RALYL: variants seen among roughly 807,000 people sequenced by gnomAD.
RALYL encodes the protein RNA-binding Raly-like protein.
In RALYL, 29 loss-of-function variants were observed where a neutral mutation model predicts 35.1. The observed-to-expected ratio is 0.83, with a 90% CI of 0.61 to 1.13. The LOEUF (loss-of-function observed/expected upper bound fraction) is 1.13, where lower values mean the gene tolerates loss of function less well. Among genes scored for constraint, RALYL ranks in the 50% most tolerant of loss-of-function variants. The pLI is 0.00. For missense variants in RALYL, 359 were observed against 360.4 expected (o/e 1.00, Z 0.03); for synonymous variants, 120 against 127.6 (o/e 0.94, Z 0.40).
rs991666836 is a variant in RALYL at position 84,684,509 on chromosome 8, T to C, written c.257-90070T>C. 7.2e-5 allele frequency among the ~76,000 whole-genome samples: 11 copies of C among 152,156 alleles called. No individual in the cohort carries two copies. The East Asian group carries it at 1.2e-3, about 16-fold the overall frequency. On this transcript the variant is annotated intron_variant, in intron 2 of 8. Coordinates refer to ENST00000521268, the MANE Select transcript of RALYL (RefSeq NM_173848.7). ...GCTCCATATTAAAGAAATTAGAAGA[T>C]TGCATTTGAAGATGAAGAGAAATGA...
intron 1 of RALYL, among the ~76,000 whole-genome samples, chr8:84,208,909 C>G (rs1818726003): frequency 6.6e-6 from 1 of 151,582 alleles, no homozygotes; most frequent in African/African-American, 2.4e-5. Flanking sequence ...GTCTAGGAAG[C>G]CAGGGTAAAA....
At chr8:84,610,854 G>A (rs889397023) in intron 2 of RALYL, among the ~76,000 whole-genome samples, 10 of 152,032 alleles carry the variant, frequency 6.6e-5, no homozygotes, top group Admixed American at 2.0e-4. Flanking sequence ...GCACTTCGAC[G>A]TCTCTCCGTC....
chr8:84,576,991 C>A (rs114893363), intron 2 of RALYL, among the ~76,000 whole-genome samples: 61 of 152,342 alleles, frequency 4.0e-4, no homozygotes, highest in African/African-American at 1.3e-3. Context: ...ATTCCACCAC[C>A]TTGACTGTCT....
intron 1 of RALYL, among the ~76,000 whole-genome samples, chr8:84,299,547 A>T (rs148090700): frequency 3.3e-5 from 5 of 152,148 alleles, no homozygotes; most frequent in South Asian, 2.1e-4. Context: ...GAATGGTACC[A>T]GTTCTTCTGT....
At position 84,704,480 on chromosome 8, in the gene RALYL, C is replaced by CACACA. The variant is rs145150857; in HGVS notation, c.257-70096_257-70095insCAACA. On this transcript the variant is annotated intron_variant, in intron 2 of 8. Coordinates refer to ENST00000521268, the MANE Select transcript of RALYL (RefSeq NM_173848.7). ...ACACACACACACACACACACACACACACAACAACTCATTTATTCCACAAAT... is the reference window on the plus strand; with the variant it reads ...ACACACACACACACACACACACACACACACAACAACAACTCATTTATTCCACAAAT... 8.4e-3 allele frequency among the ~76,000 whole-genome samples: 1,167 copies of CACACA among 139,568 alleles called. 10 individuals are homozygous for CACACA. Among genetic ancestry groups the CACACA allele is most frequent in the East Asian group, 0.027 (137 of 5,100 alleles). The allele number at this position is 139,568 out of a possible 152,430, so 91.6% of individuals were successfully genotyped here. A position where few individuals can be genotyped will look rare whatever the true frequency, so the allele number is the denominator to read the frequency against.
intron 1 of RALYL, among the ~76,000 whole-genome samples, chr8:84,317,681 C>A (rs960281290): frequency 6.6e-6 from 1 of 152,094 alleles, no homozygotes. Flanking sequence ...CTTTTGCTAA[C>A]CAGGATGGAA....
chr8:84,462,606 T>TC (rs1361839767), intron 1 of RALYL, among the ~76,000 whole-genome samples: 8 of 151,470 alleles, frequency 5.3e-5, no homozygotes, highest in Admixed American at 1.3e-4. Context: ...GATTCATTTT[T>TC]TTTTTTTTTT....
intron 1 of RALYL, among the ~76,000 whole-genome samples, chr8:84,197,933 A>G (rs181880203): frequency 3.7e-4 from 57 of 152,276 alleles, no homozygotes; most frequent in African/African-American, 1.3e-3. Context: ...TATCTTAATG[A>G]TGATTTCCAG....
At chr8:84,750,179 C>T (rs1023067475) in intron 2 of RALYL, among the ~76,000 whole-genome samples, 9 of 152,112 alleles carry the variant, frequency 5.9e-5, no homozygotes, top group African/African-American at 2.2e-4. Context: ...ACAGTAAAAG[C>T]CTTGTTACTT....
At chr8:84,749,900 A>T (rs1340040997) in intron 2 of RALYL, among the ~76,000 whole-genome samples, 2 of 152,176 alleles carry the variant, frequency 1.3e-5, no homozygotes, top group African/African-American at 4.8e-5. Flanking sequence ...TCATGGCCCC[A>T]CTTGAACCAC....
At chr8:84,910,834 G>A (rs1296975544) in intron 8 of RALYL, among the ~76,000 whole-genome samples, 1 of 151,604 alleles carries the variant, frequency 6.6e-6, no homozygotes, top group East Asian at 1.9e-4. Context: ...ACCTGAAATT[G>A]TATATTTATA....
At chr8:84,310,017 G>T (rs1842468393) in intron 1 of RALYL, among the ~76,000 whole-genome samples, 1 of 151,604 alleles carries the variant, frequency 6.6e-6, no homozygotes, top group African/African-American at 2.4e-5. Flanking sequence ...GTGAGCCACA[G>T]CACCTAGCTG....
At chr8:84,436,450 A>T (rs1246092952) in intron 1 of RALYL, among the ~76,000 whole-genome samples, 1 of 151,794 alleles carries the variant, frequency 6.6e-6, no homozygotes, top group Non-Finnish European at 1.5e-5. Context: ...TATATTGGGA[A>T]CTTCTCACAT....
chr8:84,336,729 G>A (rs1376761175), intron 1 of RALYL, among the ~76,000 whole-genome samples: 2 of 152,002 alleles, frequency 1.3e-5, no homozygotes, highest in African/African-American at 4.8e-5. Context: ...GTATTAAACA[G>A]CTACTGCCAA....
At chr8:84,366,505 C>T (rs368208464) in intron 1 of RALYL, among the ~76,000 whole-genome samples, 12 of 152,002 alleles carry the variant, frequency 7.9e-5, no homozygotes, top group South Asian at 6.2e-4. Flanking sequence ...AGGCCGAGTG[C>T]GGTGGCCACG....
chr8:84,343,660 C>T (rs1023856793), intron 1 of RALYL, among the ~76,000 whole-genome samples: 7 of 151,688 alleles, frequency 4.6e-5, no homozygotes, highest in Non-Finnish European at 8.8e-5. Flanking sequence ...GAAAAGGTCT[C>T]ACTCTGCCAC....
intron 3 of RALYL, among the ~76,000 whole-genome samples, chr8:84,774,898 A>G (rs2133596567): frequency 6.6e-6 from 1 of 152,234 alleles, no homozygotes; most frequent in Middle Eastern, 3.4e-3. Flanking sequence ...AAAAATCACT[A>G]ATGACTCTAC....
chr8:84,459,409 T>G (rs150409214), intron 1 of RALYL, among the ~76,000 whole-genome samples: 9 of 151,740 alleles, frequency 5.9e-5, no homozygotes, highest in Admixed American at 2.0e-4. Context: ...CAGGGAATTG[T>G]GTGGGAGTGT....
intron 4 of RALYL, among the ~76,000 whole-genome samples, chr8:84,842,890 C>G (rs887202607): frequency 1.3e-5 from 2 of 152,128 alleles, no homozygotes; most frequent in Admixed American, 6.6e-5. Flanking sequence ...TCAATAGACA[C>G]AGAAAGGCCT....
Sources: allele counts gnomAD v4.1 joint callset (sites outside exome capture counted in the v4.1 genomes callset), GRCh38; gene constraint gnomAD v4.1.1; transcripts MANE v1.5; gene names NCBI Gene and HGNC (gene_info 2026-07-23, HGNC 2026-07-21).